NDST4: variants seen among roughly 807,000 people sequenced by gnomAD.
NDST4 encodes the protein N-deacetylase and N-sulfotransferase 4.
A neutral mutation model predicts 100.8 loss-of-function variants in NDST4; 63 were observed. The ratio of observed to expected loss-of-function variants is 0.62; its 90% CI spans 0.51 to 0.77. The LOEUF is 0.77. Ranked by LOEUF, NDST4 falls within the 30% of genes least tolerant of loss-of-function variation. NDST4 has a pLI of 0.00. For synonymous variants in NDST4, 377 were observed against 361.8 expected, an observed-to-expected ratio of 1.04 and a Z score of -0.48; for missense variants, 943 against 1,018.4, an observed-to-expected ratio of 0.93 and a Z score of 1.01.
rs537961796 is a variant in NDST4, at chr4:114,916,536, CTGTGTGTGTGTGTGTGTGTGTG to C, written c.1536+18648_1536+18669del. Among the ~76,000 whole-genome samples, 749 of 129,114 alleles carry C rather than the reference CTGTGTGTGTGTGTGTGTGTGTG, an allele frequency of 5.8e-3. 11 individuals carry two copies. The highest frequency in any genetic ancestry group is 0.031 in the Middle Eastern group (8 of 258). 84.7% of individuals were successfully genotyped at this position (129,114 alleles called of 152,430 possible). A position where few individuals can be genotyped will look rare whatever the true frequency, so the allele number is the denominator to read the frequency against. On this transcript the variant is annotated intron_variant, in intron 6 of 13. Transcript: ENST00000264363. The stretch of plus-strand genomic sequence containing the variant: ...AGATGTCACATTGTCCTGGTAGGCT[CTGTGTGTGTGTGTGTGTGTGTG>C]TGTGTGTGTGTGTGTGTGTGTGTGT...
chr4:114,997,816 G>A (rs1321194364), intron 2 of NDST4, among the ~76,000 whole-genome samples: 1 of 151,952 alleles, frequency 6.6e-6, no homozygotes, highest in East Asian at 1.9e-4. Context: ...AATTATGTTA[G>A]CGATGTTCTT....
At chr4:115,113,011 T>A (rs916570111) in intron 1 of NDST4, among the ~76,000 whole-genome samples, 22 of 151,894 alleles carry the variant, frequency 1.4e-4, no homozygotes, top group African/African-American at 4.8e-4. Context: ...GGAGTTCCCA[T>A]CTTCGGTAAT....
intron 6 of NDST4, among the ~76,000 whole-genome samples, chr4:114,877,167 C>T (rs1724273146): frequency 6.6e-6 from 1 of 152,128 alleles, no homozygotes; most frequent in African/African-American, 2.4e-5. Context: ...AGAACTTTGG[C>T]TACAAATTCA....
At chr4:114,959,648 C>A (rs925134297) in intron 4 of NDST4, among the ~76,000 whole-genome samples, 1 of 152,030 alleles carries the variant, frequency 6.6e-6, no homozygotes, top group Non-Finnish European at 1.5e-5. Flanking sequence ...GGGACACAGC[C>A]AAACCATATC....
At chr4:114,936,567 T>C (rs574666011) in intron 5 of NDST4, among the ~76,000 whole-genome samples, 6 of 152,314 alleles carry the variant, frequency 3.9e-5, no homozygotes, top group Admixed American at 3.3e-4. Flanking sequence ...CAACTAATTA[T>C]AAAAACATCA....
Position 115,022,344 on chromosome 4 carries a change from C to T in NDST4, c.979-45070G>A, listed in dbSNP as rs1287399237. Among the ~76,000 whole-genome samples the T allele has an allele frequency of 5.9e-5, 7 of 118,408 alleles. 1 individual carries two copies. Among genetic ancestry groups the T allele is most frequent in the African/African-American group, 1.2e-4 (3 of 25,862 alleles). The allele number at this position is 118,408 out of a possible 152,430, so 77.7% of individuals were successfully genotyped here. On this transcript the variant is annotated intron_variant, in intron 2 of 13. Transcript: ENST00000264363. Reference sequence around the variant, plus strand: ...TCCACATACATATGTGTTCCACGTACATATGTGTTCCACGTACATATGTGT... The same window carrying T: ...TCCACATACATATGTGTTCCACGTATATATGTGTTCCACGTACATATGTGT...
At chr4:115,054,144 A>G (rs1262413644) in intron 2 of NDST4, among the ~76,000 whole-genome samples, 2 of 152,064 alleles carry the variant, frequency 1.3e-5, no homozygotes, top group East Asian at 1.9e-4. Flanking sequence ...TTTAAAACAT[A>G]ATATACCTAA....
intron 2 of NDST4, among the ~76,000 whole-genome samples, chr4:115,023,580 G>C (rs551165600): frequency 6.6e-6 from 1 of 151,482 alleles, no homozygotes; most frequent in Non-Finnish European, 1.5e-5. Flanking sequence ...ATCACATACA[G>C]TAAGATGCAA....
At chr4:115,052,509 C>T (rs1025897450) in intron 2 of NDST4, among the ~76,000 whole-genome samples, 5 of 151,970 alleles carry the variant, frequency 3.3e-5, no homozygotes, top group Admixed American at 1.3e-4. Context: ...ATCATGGGGG[C>T]GAGTCTTCCC....
intron 6 of NDST4, among the ~76,000 whole-genome samples, chr4:114,875,037 C>T (rs1724228963): frequency 6.6e-6 from 1 of 152,094 alleles, no homozygotes; most frequent in Non-Finnish European, 1.5e-5. Context: ...TTCAAACAAG[C>T]AGAGCTTTAT....
chr4:114,934,408 G>A lies in NDST4; in HGVS notation c.1536+798C>T, dbSNP rs1042409174. ...CTTCTAAAAATACAAAAAATTAGCC[G>A]GGCGTGGTGGTGGCAGGCGCCTGTA... On this transcript the variant is annotated intron_variant, in intron 6 of 13. Coordinates refer to ENST00000264363, the MANE Select transcript of NDST4 (RefSeq NM_022569.3). Among the ~76,000 whole-genome samples the A allele has an allele frequency of 4.6e-5, 7 of 152,018 alleles. No individual in the cohort carries two copies. The East Asian group carries it at 9.7e-4, about 21-fold the overall frequency.
At chr4:115,109,236 G>A (rs78982059) in intron 1 of NDST4, among the ~76,000 whole-genome samples, 1,833 of 151,914 alleles carry the variant, frequency 0.012, 35 homozygotes, top group African/African-American at 0.042. Context: ...CTTTTTACTT[G>A]AATATAGTGA....
At chr4:114,907,812 G>T (rs1724983096) in intron 6 of NDST4, among the ~76,000 whole-genome samples, 2 of 149,178 alleles carry the variant, frequency 1.3e-5, no homozygotes, top group South Asian at 2.1e-4. Flanking sequence ...CCAAAGAGAG[G>T]GTCCTAACTT....
chr4:115,005,709 A>G (rs1727398272), intron 2 of NDST4, among the ~76,000 whole-genome samples: 1 of 152,094 alleles, frequency 6.6e-6, no homozygotes, highest in African/African-American at 2.4e-5. Context: ...TGACCAAGAG[A>G]TAAGTGAGAT....
chr4:115,100,949 G>A (rs1360123117), intron 1 of NDST4, among the ~76,000 whole-genome samples: 3 of 151,792 alleles, frequency 2.0e-5, no homozygotes, highest in Non-Finnish European at 2.9e-5. Context: ...TTGTTAAAGA[G>A]ACAAGGTCGT....
chr4:114,971,567 T>C (rs1287664124), intron 3 of NDST4, among the ~76,000 whole-genome samples: 9 of 152,144 alleles, frequency 5.9e-5, no homozygotes, highest in Non-Finnish European at 8.8e-5. Context: ...CTTGCTCTCT[T>C]ACTACTTAAC....
chr4:115,062,018 C>T (rs142778013), intron 2 of NDST4, among the ~76,000 whole-genome samples: 19 of 151,668 alleles, frequency 1.3e-4, no homozygotes, highest in Non-Finnish European at 1.9e-4. Flanking sequence ...AAGGAAAAAG[C>T]AAACATTGAA....
chr4:114,877,382 C>T (rs920551795), intron 6 of NDST4, among the ~76,000 whole-genome samples: 8 of 152,052 alleles, frequency 5.3e-5, no homozygotes, highest in South Asian at 2.1e-4. Context: ...TATATCTATG[C>T]ACACACATGC....
intron 2 of NDST4, among the ~76,000 whole-genome samples, chr4:115,018,600 A>G (rs1727740700): frequency 6.6e-6 from 1 of 151,936 alleles, no homozygotes; most frequent in African/African-American, 2.4e-5. Context: ...GGATTGCAGG[A>G]TAGACTGTAG....
Sources: allele counts gnomAD v4.1 joint callset (sites outside exome capture counted in the v4.1 genomes callset), GRCh38; gene constraint gnomAD v4.1.1; transcripts MANE v1.5; gene names NCBI Gene and HGNC (gene_info 2026-07-23, HGNC 2026-07-21).